The following SGO2 variants were observed in gnomAD, a reference collection of about 807,000 sequenced individuals.
SGO2 encodes the protein shugoshin 2, also known as shugoshin-like 2.
A neutral mutation model predicts 99.5 loss-of-function variants in SGO2; 68 were observed. That is an observed-to-expected ratio of 0.68 (90% CI 0.56 to 0.84). SGO2 has a LOEUF of 0.84. Ranked by LOEUF, SGO2 falls within the 40% of genes least tolerant of loss-of-function variation. The pLI is 0.00. For synonymous variants in SGO2, 457 were observed against 487.1 expected (o/e 0.94, Z 0.81); for missense variants, 1,350 against 1,436.7 (o/e 0.94, Z 0.97).
chr2:200,552,931 C>T (rs1327446941), intron 5 of SGO2, among the ~76,000 whole-genome samples: 1 of 152,122 alleles, frequency 6.6e-6, no homozygotes, highest in Admixed American at 6.5e-5. Context: ...GGCTCAAACA[C>T]CTCTGACACA....
In SGO2 at chr2:200,573,094, A is replaced by G. The variant is rs75048316; in HGVS notation, c.2748A>G (p.Ile916Met). ...LRNKVNWKTE[I>M]ISEMNQIYED... ...ATAAAGTGAATTGGAAGACAGAAATAATTTCTGAAATGAACCAGATATATG... is the reference window on the plus strand; with the variant it reads ...ATAAAGTGAATTGGAAGACAGAAATGATTTCTGAAATGAACCAGATATATG... The change falls in exon 7 of 9, where the codon ATA becomes ATG. Residue 916 changes from isoleucine to methionine, a missense_variant. Transcript: ENST00000357799. 1.0e-3 allele frequency: 1,628 copies of G among 1,582,024 alleles called. 17 individuals carry two copies. The East Asian group carries it at 0.021, about 21-fold the overall frequency.
At position 200,549,898 on chromosome 2, in the gene SGO2, A is replaced by G. The variant is rs541188605; in HGVS notation, c.473+7234A>G. On this transcript the variant is annotated intron_variant, in intron 5 of 8. Coordinates refer to ENST00000357799, the MANE Select transcript of SGO2 (RefSeq NM_152524.6). ...GCAACTAAGCAAGAAAACAAAATAA[A>G]GGGCATCCACATTGGAAAGGAAGAA... Among the ~76,000 whole-genome samples, 10 of 152,310 alleles carry G rather than the reference A, an allele frequency of 6.6e-5. No homozygotes were observed. The East Asian group carries it at 1.9e-3, about 29-fold the overall frequency.
In SGO2 at chr2:200,571,919, T is replaced by C; in HGVS notation, c.1573T>C (p.Ser525Pro). 1 of 1,612,752 alleles carries C rather than the reference T, an allele frequency of 6.2e-7. No individual in the cohort carries two copies. Among genetic ancestry groups the C allele is most frequent in the African/African-American group, 1.3e-5 (1 of 74,940 alleles). The stretch of plus-strand genomic sequence containing the variant: ...GAGTAAATTTGATAAGGGTCAGAAT[T>C]CCCTAACTTGTAATAAAAGTAAAGC... ...QESKFDKGQN[S>P]LTCNKSKASR... The change falls in exon 7 of 9, where the codon TCC becomes CCC. Residue 525 changes from serine to proline, a missense_variant. Physicochemically the swap from Ser to Pro is moderately conservative, Grantham distance 74. Transcript: ENST00000357799.
At chr2:200,529,504 CGTTTTGTTTT>C (rs71405325) in intron 1 of SGO2, among the ~76,000 whole-genome samples, 4 of 151,112 alleles carry the variant, frequency 2.6e-5, no homozygotes, top group Admixed American at 6.6e-5. Context: ...AGTTTTGTTT[CGTTTTGTTTT>C]GTTTTGTTTT....
intron 4 of SGO2, among the ~76,000 whole-genome samples, chr2:200,539,212 GTCTT>G (rs1357915280): frequency 2.0e-5 from 3 of 151,958 alleles, no homozygotes; most frequent in Non-Finnish European, 2.9e-5. Context: ...TTAGGAAAAT[GTCTT>G]TCTTTCTTTT....
chr2:200,538,188 A>C (rs910978631), intron 4 of SGO2, among the ~76,000 whole-genome samples: 4 of 152,218 alleles, frequency 2.6e-5, no homozygotes, highest in African/African-American at 9.6e-5. Context: ...AGTCTTATCT[A>C]TTGCTTGATG....
In SGO2 at chr2:200,570,568, G is replaced by A. The variant is rs2033370008; in HGVS notation, c.704-482G>A. Among the ~76,000 whole-genome samples the A allele has an allele frequency of 6.9e-6, 1 of 145,168 alleles. No individual in the cohort carries two copies. The highest frequency in any genetic ancestry group is 1.5e-5 in the Non-Finnish European group (1 of 66,072). ...ACACATATATACACACATATATATG[G>A]TATACATATAATGTATACAGTATAC... On this transcript the variant is annotated intron_variant, in intron 6 of 8. Transcript: ENST00000357799. The surrounding 1 kb of genome is among the most constrained non-coding windows in gnomAD (Gnocchi z 4.4).
At chr2:200,561,666 G>C (rs2032977274) in intron 5 of SGO2, among the ~76,000 whole-genome samples, 2 of 152,196 alleles carry the variant, frequency 1.3e-5, no homozygotes, top group Non-Finnish European at 2.9e-5. Flanking sequence ...CTAGTTTACA[G>C]TCCCACCAAC....
At chr2:200,544,386 A>G (rs2032108363) in intron 5 of SGO2, among the ~76,000 whole-genome samples, 1 of 151,708 alleles carries the variant, frequency 6.6e-6, no homozygotes, top group Admixed American at 6.6e-5. Context: ...GGTTCAAGTG[A>G]TCCTCCTGCC....
chr2:200,543,982 C>T (rs1281825828), intron 5 of SGO2, among the ~76,000 whole-genome samples: 1 of 152,184 alleles, frequency 6.6e-6, no homozygotes, highest in East Asian at 1.9e-4. Flanking sequence ...TCAGATACTT[C>T]CTTGTGTCCC....
rs550454129 is a variant in SGO2 at position 200,573,775 on chromosome 2, T to C, written c.3429T>C (p.His1143=). ...TKAFRSLSEI[H]SPNIQDSSFD... The stretch of plus-strand genomic sequence containing the variant: ...CATTTAGATCTTTGTCTGAGATACA[T>C]TCACCTAACATACAAGATTCTTCCT... The change falls in exon 7 of 9, where the codon CAT becomes CAC. Residue 1143 remains histidine, a synonymous_variant. Transcript: ENST00000357799. 4.3e-6 allele frequency: 7 copies of C among 1,611,960 alleles called. No homozygotes were observed. In the South Asian group the frequency reaches 7.7e-5, roughly 18 times the overall value.
rs1026607719 is a variant in SGO2, at chr2:200,533,050, T to G, written c.75T>G (p.Ile25Met). The G allele has an allele frequency of 6.2e-7, 1 of 1,604,966 alleles. No homozygotes were observed. Among genetic ancestry groups the G allele is most frequent in the Middle Eastern group, 1.7e-4 (1 of 5,870 alleles). The change falls in exon 2 of 9, where the codon ATT becomes ATG. Residue 25 changes from isoleucine to methionine, a missense_variant. Coordinates refer to ENST00000357799, the MANE Select transcript of SGO2 (RefSeq NM_152524.6). The stretch of plus-strand genomic sequence containing the variant: ...AGAGACATTTGAAAGACAAAAGAAT[T>G]TCAAAGACTACTAAGTTGAATGTTT... ...GIKRHLKDKR[I>M]SKTTKLNVSL...
At chr2:200,527,956 C>T (rs1325615532) in intron 1 of SGO2, among the ~76,000 whole-genome samples, 2 of 152,024 alleles carry the variant, frequency 1.3e-5, no homozygotes, top group Admixed American at 6.6e-5. Context: ...GGCAAATGCT[C>T]GAAGGAAGTG....
rs371447280 is a variant in SGO2, at chr2:200,534,695, A to G, written c.134-301A>G. 1.5e-3 allele frequency among the ~76,000 whole-genome samples: 232 copies of G among 152,204 alleles called. 1 individual carries two copies. The highest frequency in any genetic ancestry group is 5.2e-3 in the African/African-American group (218 of 41,538). ...GTAGAGCAGCAAGTATCAAGATTTA[A>G]TTTTTGTGACTGATCTAATTATGTA... On this transcript the variant is annotated intron_variant, in intron 2 of 8. Coordinates refer to ENST00000357799, the MANE Select transcript of SGO2 (RefSeq NM_152524.6).
chr2:200,561,778 G>A (rs2032982876), intron 5 of SGO2, among the ~76,000 whole-genome samples: 1 of 152,118 alleles, frequency 6.6e-6, no homozygotes, highest in Non-Finnish European at 1.5e-5. Flanking sequence ...GTATCTCATT[G>A]TGGTTTTGAT....
chr2:200,544,704 T>G (rs1031852673), intron 5 of SGO2, among the ~76,000 whole-genome samples: 71 of 151,894 alleles, frequency 4.7e-4, no homozygotes, highest in South Asian at 2.1e-3. Flanking sequence ...TCTATCTATC[T>G]ATCTATCTAT....
chr2:200,583,223 G>A (rs923819144), intron 8 of SGO2, among the ~76,000 whole-genome samples: 1 of 152,112 alleles, frequency 6.6e-6, no homozygotes, highest in African/African-American at 2.4e-5. Context: ...TAAAATCTAT[G>A]TTGATTAATT....
intron 4 of SGO2, among the ~76,000 whole-genome samples, chr2:200,538,292 C>T (rs888679160): frequency 2.0e-5 from 3 of 152,158 alleles, no homozygotes; most frequent in African/African-American, 4.8e-5. Context: ...CAGTTCTCTT[C>T]CCACTCCCTC....
chr2:200,567,391 G>C lies in SGO2; in HGVS notation c.474-2272G>C, dbSNP rs74941567. Among the ~76,000 whole-genome samples the C allele has an allele frequency of 1.6e-3, 248 of 151,884 alleles. 3 individuals carry two copies. Among genetic ancestry groups the C allele is most frequent in the African/African-American group, 5.7e-3 (236 of 41,398 alleles). ...TCAATTTTATGTTTTATATTTCATT[G>C]GTGTCTATTTTTAAATTATTTCCTT... is the stretch of plus-strand genomic sequence containing the variant. On this transcript the variant is annotated intron_variant, in intron 5 of 8. Coordinates refer to ENST00000357799, the MANE Select transcript of SGO2 (RefSeq NM_152524.6).
Sources: allele counts gnomAD v4.1 joint callset (sites outside exome capture counted in the v4.1 genomes callset), GRCh38; gene constraint gnomAD v4.1.1; non-coding constraint Gnocchi (gnomAD v3.1); transcripts MANE v1.5; gene names NCBI Gene and HGNC (gene_info 2026-07-23, HGNC 2026-07-21).